SYT14: variants seen among roughly 807,000 people sequenced by gnomAD.
SYT14 encodes the protein synaptotagmin 14, also known as synaptotagmin-14.
A neutral mutation model predicts 74.2 loss-of-function variants in SYT14; 32 were observed. The observed-to-expected ratio is 0.43, with a 90% CI of 0.33 to 0.58. The LOEUF is 0.58. Among genes scored for constraint, SYT14 ranks in the 20% least tolerant of loss-of-function variants. The pLI is 0.05. For missense variants in SYT14, 791 were observed against 981.8 expected (o/e 0.81, Z 2.60); for synonymous variants, 298 against 337.7 (o/e 0.88, Z 1.29).
chr1:210,023,588 C>T (rs1421683898), intron 5 of SYT14, among the ~76,000 whole-genome samples: 5 of 151,856 alleles, frequency 3.3e-5, no homozygotes, highest in African/African-American at 4.8e-5. Flanking sequence ...GTGATCTGCC[C>T]GCCTCGGCCT....
intron 5 of SYT14, among the ~76,000 whole-genome samples, chr1:210,046,255 C>G (rs986163864): frequency 6.6e-6 from 1 of 151,968 alleles, no homozygotes; most frequent in Non-Finnish European, 1.5e-5. Context: ...GCACCTGTAA[C>G]CCCAGCTACT....
intron 2 of SYT14, among the ~76,000 whole-genome samples, chr1:209,961,644 G>T (rs758164710): frequency 1.1e-4 from 17 of 152,026 alleles, no homozygotes; most frequent in Non-Finnish European, 2.4e-4. Context: ...CAGTAAACTG[G>T]TATGTACATA....
intron 5 of SYT14, among the ~76,000 whole-genome samples, chr1:210,033,011 G>T (rs962071127): frequency 6.6e-6 from 1 of 151,262 alleles, no homozygotes; most frequent in South Asian, 2.1e-4. Context: ...TACTGCTGTC[G>T]TACAAACTAG....
At chr1:210,087,064 C>G (rs2081749081) in intron 5 of SYT14, among the ~76,000 whole-genome samples, 1 of 152,174 alleles carries the variant, frequency 6.6e-6, no homozygotes, top group South Asian at 2.1e-4. Context: ...ACCAGCTGAG[C>G]ATGGGCTCTG....
At chr1:210,135,626 T>C (rs370214773) in intron 7 of SYT14, among the ~76,000 whole-genome samples, 5 of 152,218 alleles carry the variant, frequency 3.3e-5, no homozygotes, top group Non-Finnish European at 7.3e-5. Flanking sequence ...ATTTTCCTTC[T>C]TCTTTTCATG....
intron 8 of SYT14, 44 bp from the exon 8 acceptor site, chr1:210,159,377 T>TCAAA: frequency 6.5e-7 from 1 of 1,533,710 alleles, no homozygotes; most frequent in Non-Finnish European, 8.8e-7. Flanking sequence ...ACGATTGACA[T>TCAAA]CTGGTCATTA....
chr1:210,155,412 A>G (rs1336997815), intron 7 of SYT14, among the ~76,000 whole-genome samples: 3 of 152,242 alleles, frequency 2.0e-5, no homozygotes, highest in South Asian at 2.1e-4. Context: ...TCTTTAAACA[A>G]TAATTTCTCA....
At chr1:210,117,963 CAGCA>C (rs1311813920) in intron 7 of SYT14, among the ~76,000 whole-genome samples, 1 of 152,172 alleles carries the variant, frequency 6.6e-6, no homozygotes, top group African/African-American at 2.4e-5. Flanking sequence ...CCTTCACTGT[CAGCA>C]ACCAACAAGT....
At chr1:210,120,565 C>G (rs567780488) in intron 7 of SYT14, among the ~76,000 whole-genome samples, 21 of 152,020 alleles carry the variant, frequency 1.4e-4, no homozygotes, top group African/African-American at 4.8e-4. Context: ...GTACGGTAAC[C>G]TGCTGTACAG....
chr1:209,985,181 G>A (rs902740775), intron 2 of SYT14, among the ~76,000 whole-genome samples: 1 of 152,122 alleles, frequency 6.6e-6, no homozygotes, highest in African/African-American at 2.4e-5. Flanking sequence ...CTGATACAAG[G>A]CAATTGCCTT....
In SYT14 at chr1:210,146,334, A is replaced by G. The variant is rs538144946; in HGVS notation, c.2035-9387A>G. Among the ~76,000 whole-genome samples, 383 of 150,762 alleles carry G rather than the reference A, an allele frequency of 2.5e-3. 4 individuals carry two copies. The highest frequency in any genetic ancestry group is 3.8e-3 in the Non-Finnish European group (256 of 67,980). ...GGCAACAGAGTGAGACTCGGTCTCA[A>G]AAAAAAAGAAAAAACAGTATATGGC... On this transcript the variant is annotated intron_variant, in intron 7 of 9. Coordinates refer to ENST00000637265, the Ensembl canonical transcript of SYT14.
In SYT14 at chr1:209,966,896, G is replaced by A. The variant is rs541096128; in HGVS notation, c.-486+14140G>A. Among the ~76,000 whole-genome samples the A allele has an allele frequency of 1.4e-3, 217 of 152,202 alleles. 1 individual carries two copies. Among genetic ancestry groups the A allele is most frequent in the African/African-American group, 5.0e-3 (206 of 41,524 alleles). The stretch of plus-strand genomic sequence containing the variant: ...GTAGTGAGAATGAGTATCTTTGCTG[G>A]TGGTCTCAAGGGAAAGCATTTAGGG... On this transcript the variant is annotated intron_variant, in intron 2 of 9. Transcript: ENST00000637265.
At chr1:209,986,411 C>T (rs993764142) in intron 2 of SYT14, among the ~76,000 whole-genome samples, 14 of 151,986 alleles carry the variant, frequency 9.2e-5, no homozygotes, top group Admixed American at 2.0e-4. Context: ...CGAGACCATC[C>T]TGGCTAACAT....
chr1:209,971,858 T>C (rs1324051825), intron 2 of SYT14, among the ~76,000 whole-genome samples: 1 of 152,176 alleles, frequency 6.6e-6, no homozygotes, highest in African/African-American at 2.4e-5. Flanking sequence ...TTTTTTGTTG[T>C]ATTTTTGCCA....
At chr1:209,970,679 T>TA (rs2079238177) in intron 2 of SYT14, among the ~76,000 whole-genome samples, 1 of 63,544 alleles carries the variant, frequency 1.6e-5, no homozygotes, top group African/African-American at 5.1e-5. Flanking sequence ...TTTTTTTTTT[T>TA]TTTTTTTTTT....
exon 10 of SYT14, chr1:210,170,348 T>C (rs2083511878): frequency 6.6e-6 from 1 of 152,130 alleles, no homozygotes; most frequent in Admixed American, 6.5e-5. Flanking sequence ...TTTCATATAA[T>C]TGAAAATGTG....
At position 210,003,917 on chromosome 1, in the gene SYT14, G is replaced by C. The variant is rs143409739; in HGVS notation, c.-485-9716G>C. ...TTTTTAACAAATGCTGTTTCTGTTT[G>C]TTTTATTCTGCTTTTTAATTTTTTT... On this transcript the variant is annotated intron_variant, in intron 2 of 9. Transcript: ENST00000637265. 5.6e-3 allele frequency among the ~76,000 whole-genome samples: 847 copies of C among 151,898 alleles called. 5 individuals are homozygous for C. Among genetic ancestry groups the C allele is most frequent in the Admixed American group, 8.7e-3 (132 of 15,256 alleles).
chr1:210,123,980 C>T (rs937347308), intron 7 of SYT14, among the ~76,000 whole-genome samples: 3 of 152,076 alleles, frequency 2.0e-5, no homozygotes, highest in Admixed American at 6.6e-5. Flanking sequence ...TTGTAAATTA[C>T]AAGTATGATC....
chr1:210,066,284 T>C (rs1197031148), intron 5 of SYT14, among the ~76,000 whole-genome samples: 6 of 151,966 alleles, frequency 3.9e-5, no homozygotes, highest in Non-Finnish European at 5.9e-5. Context: ...TAGTTCTAGA[T>C]CCCTGAGGAA....
Sources: gnomAD v4.1 joint callset for allele counts (sites outside exome capture counted in the v4.1 genomes callset) on GRCh38, gnomAD v4.1.1 for gene constraint, MANE v1.5 for transcripts, NCBI Gene and HGNC (gene_info 2026-07-23, HGNC 2026-07-21) for gene names.